The following CSMD1 variants were observed in gnomAD, a reference collection of about 807,000 sequenced individuals.
CSMD1 encodes the protein CUB and sushi domain-containing protein 1.
In CSMD1, 213 loss-of-function variants were observed where a neutral mutation model predicts 417.5. The observed-to-expected ratio is 0.51, with a 90% CI of 0.46 to 0.57. The LOEUF is 0.57. Among genes scored for constraint, CSMD1 ranks in the 20% least tolerant of loss-of-function variants. The pLI is 0.00. For synonymous variants in CSMD1, 2,862 were observed against 1,736.8 expected, an observed-to-expected ratio of 1.65 and a Z score of -16.11; for missense variants, 6,923 against 4,529.7, an observed-to-expected ratio of 1.53 and a Z score of -15.17.
chr8:4,775,418 T>TA (rs2117164975), intron 1 of CSMD1, among the ~76,000 whole-genome samples: 1 of 151,680 alleles, frequency 6.6e-6, no homozygotes, highest in South Asian at 2.1e-4. Context: ...AAGTATACAA[T>TA]AAAACAGAAT....
chr8:4,820,796 C>T (rs1430314872), intron 1 of CSMD1, among the ~76,000 whole-genome samples: 2 of 152,064 alleles, frequency 1.3e-5, no homozygotes, highest in African/African-American at 4.8e-5. Context: ...TGAAACAAGA[C>T]AATAAGATGA....
At chr8:2,951,331 G>T in intron 65 of CSMD1, 56 bp from the exon 66 acceptor site, 1 of 1,517,106 alleles carries the variant, frequency 6.6e-7, no homozygotes, top group South Asian at 1.3e-5. Flanking sequence ...AATAAATTCA[G>T]ACATTATTAA....
intron 26 of CSMD1, among the ~76,000 whole-genome samples, chr8:3,256,047 G>A (rs920983785): frequency 1.3e-5 from 2 of 152,166 alleles, no homozygotes; most frequent in Non-Finnish European, 2.9e-5. Flanking sequence ...CAATGACTGA[G>A]CCGGGTGAGG....
chr8:3,229,935 C>A, intron 27 of CSMD1, 105 bp downstream of exon 27: 2 of 824,500 alleles, frequency 2.4e-6, no homozygotes, highest in Admixed American at 3.3e-5. Flanking sequence ...ATGAAAGAAA[C>A]TCTTGAGAAA....
At chr8:4,596,093 G>A (rs974420749) in intron 2 of CSMD1, among the ~76,000 whole-genome samples, 2 of 152,074 alleles carry the variant, frequency 1.3e-5, no homozygotes, top group Non-Finnish European at 2.9e-5. Context: ...ACTTCCCTGT[G>A]TGTTACTGCA....
At chr8:4,453,931 C>T (rs1276181555) in intron 2 of CSMD1, among the ~76,000 whole-genome samples, 3 of 146,340 alleles carry the variant, frequency 2.1e-5, no homozygotes, top group Non-Finnish European at 1.5e-5. Context: ...ACAGCATTCT[C>T]CTGCCTCAGC....
intron 1 of CSMD1, among the ~76,000 whole-genome samples, chr8:4,947,877 A>G (rs1170353687): frequency 6.6e-6 from 1 of 152,054 alleles, no homozygotes; most frequent in Non-Finnish European, 1.5e-5. Context: ...TTTTGTGAAC[A>G]TATTGCAAGG....
intron 5 of CSMD1, among the ~76,000 whole-genome samples, chr8:3,955,915 GTT>G (rs1811913091): frequency 6.6e-6 from 1 of 152,138 alleles, no homozygotes; most frequent in Admixed American, 6.5e-5. Context: ...TGCCTCCCGG[GTT>G]AAAGCAGCTG....
intron 12 of CSMD1, among the ~76,000 whole-genome samples, chr8:3,457,883 G>A (rs1002156433): frequency 5.3e-5 from 8 of 152,160 alleles, no homozygotes; most frequent in Admixed American, 4.6e-4. Context: ...ACACACTCAT[G>A]GAACACATGA....
At chr8:4,873,482 T>G (rs1260120291) in intron 1 of CSMD1, among the ~76,000 whole-genome samples, 2 of 152,136 alleles carry the variant, frequency 1.3e-5, no homozygotes, top group African/African-American at 4.8e-5. Context: ...TTTTACTTCT[T>G]AAAACTGACC....
chr8:3,536,487 G>A (rs547251156), intron 10 of CSMD1, among the ~76,000 whole-genome samples: 1 of 152,254 alleles, frequency 6.6e-6, no homozygotes, highest in African/African-American at 2.4e-5. Flanking sequence ...TTGATTAATG[G>A]GGATTATGTT....
At chr8:3,213,927 A>C (rs186909476) in intron 30 of CSMD1, among the ~76,000 whole-genome samples, 4 of 151,370 alleles carry the variant, frequency 2.6e-5, no homozygotes, top group African/African-American at 9.7e-5. Context: ...GCACAATCTC[A>C]GCTCACTGCC....
At chr8:4,813,356 A>T (rs1484540268) in intron 1 of CSMD1, among the ~76,000 whole-genome samples, 1 of 152,192 alleles carries the variant, frequency 6.6e-6, no homozygotes, top group Non-Finnish European at 1.5e-5. Flanking sequence ...GGAAAAAAAA[A>T]ATTAATAGAA....
intron 1 of CSMD1, among the ~76,000 whole-genome samples, chr8:4,967,373 C>G (rs1809937452): frequency 6.6e-6 from 1 of 152,076 alleles, no homozygotes; most frequent in Admixed American, 6.6e-5. Context: ...ATAATCACTG[C>G]CATGATAAAG....
At chr8:4,143,929 T>C (rs1056055218) in intron 3 of CSMD1, among the ~76,000 whole-genome samples, 1 of 151,178 alleles carries the variant, frequency 6.6e-6, no homozygotes, top group Non-Finnish European at 1.5e-5. Context: ...TTGGCCCGTG[T>C]TGCAGATGAA....
At chr8:3,324,921 T>G (rs1806426627) in intron 23 of CSMD1, among the ~76,000 whole-genome samples, 1 of 152,174 alleles carries the variant, frequency 6.6e-6, no homozygotes, top group African/African-American at 2.4e-5. Flanking sequence ...GCACTGGAAT[T>G]TAATTGACAG....
intron 4 of CSMD1, among the ~76,000 whole-genome samples, chr8:3,999,169 C>G (rs1223583144): frequency 6.6e-6 from 1 of 151,184 alleles, no homozygotes; most frequent in Non-Finnish European, 1.5e-5. Flanking sequence ...TCTTCTTTTT[C>G]TTTCTTTCCT....
intron 2 of CSMD1, 46 bp from the exon 3 acceptor site, chr8:4,420,111 T>C: frequency 7.1e-7 from 1 of 1,408,752 alleles, no homozygotes; most frequent in African/African-American, 1.6e-5. Flanking sequence ...AGCATGAATT[T>C]GTCAAAAAAA....
intron 41 of CSMD1, among the ~76,000 whole-genome samples, chr8:3,126,891 C>T (rs1419880851): frequency 1.3e-5 from 2 of 152,132 alleles, no homozygotes; most frequent in Non-Finnish European, 2.9e-5. Flanking sequence ...GAGAGGCTTG[C>T]AGCAAGTGGA....
Sources: gnomAD v4.1 joint callset for allele counts (sites outside exome capture counted in the v4.1 genomes callset) on GRCh38, gnomAD v4.1.1 for gene constraint, MANE v1.5 for transcripts, NCBI Gene and HGNC (gene_info 2026-07-23, HGNC 2026-07-21) for gene names.